Variants in TTLL11 observed in about 807,000 individuals in gnomAD.
TTLL11 encodes the protein tubulin polyglutamylase TTLL11.
Under a neutral mutation model 51.7 loss-of-function variants are expected in TTLL11, and 42 were observed. That is an observed-to-expected ratio of 0.81 (90% confidence interval 0.64 to 1.05). TTLL11 has a LOEUF of 1.05. Ranked by LOEUF, TTLL11 falls within the 50% of genes least tolerant of loss-of-function variation. The pLI is 0.00. For synonymous variants in TTLL11, 381 were observed against 383.5 expected (o/e 0.99, Z 0.08); for missense variants, 799 against 940.4 (o/e 0.85, Z 1.97).
At chr9:121,986,527 T>C (rs919853761) in intron 4 of TTLL11, among the ~76,000 whole-genome samples, 1 of 152,194 alleles carries the variant, frequency 6.6e-6, no homozygotes, top group Admixed American at 6.5e-5. Flanking sequence ...TTCTCCTTTC[T>C]AATGTTTTAA....
intron 3 of TTLL11, among the ~76,000 whole-genome samples, chr9:121,999,084 A>T (rs1243764062): frequency 1.3e-5 from 2 of 152,218 alleles, no homozygotes; most frequent in African/African-American, 4.8e-5. Flanking sequence ...CTTGCCCACT[A>T]CATCCCCAGC....
At chr9:121,936,691 A>C (rs999146462) in intron 6 of TTLL11, among the ~76,000 whole-genome samples, 1 of 152,216 alleles carries the variant, frequency 6.6e-6, no homozygotes, top group African/African-American at 2.4e-5. Context: ...AAGCTTAACG[A>C]AAAAAGCTAA....
chr9:121,896,744 C>G (rs73664707), intron 6 of TTLL11, among the ~76,000 whole-genome samples: 1 of 152,152 alleles, frequency 6.6e-6, no homozygotes, highest in Non-Finnish European at 1.5e-5. Flanking sequence ...CTCCTTCACC[C>G]GCCGCAAGAG....
At chr9:122,041,326 G>A (rs1319534529) in intron 1 of TTLL11, among the ~76,000 whole-genome samples, 2 of 152,072 alleles carry the variant, frequency 1.3e-5, no homozygotes, top group African/African-American at 4.8e-5. Flanking sequence ...CATACTCAAT[G>A]GTAAAATACT....
At chr9:121,940,776 T>C (rs1279732850) in intron 6 of TTLL11, among the ~76,000 whole-genome samples, 5 of 152,236 alleles carry the variant, frequency 3.3e-5, no homozygotes, top group Admixed American at 6.5e-5. Flanking sequence ...GCAGGCTCCA[T>C]AGGACATTTG....
chr9:121,936,486 T>C lies in TTLL11; in HGVS notation c.1481+37523A>G, dbSNP rs185015300. Among the ~76,000 whole-genome samples, 324 of 152,216 alleles carry C rather than the reference T, an allele frequency of 2.1e-3. 4 individuals carry two copies. Among genetic ancestry groups the C allele is most frequent in the Non-Finnish European group, 2.1e-3 (140 of 68,012 alleles). On this transcript the variant is annotated intron_variant, in intron 6 of 8. Coordinates refer to ENST00000321582, the MANE Select transcript of TTLL11 (RefSeq NM_001139442.2). The stretch of plus-strand genomic sequence containing the variant: ...AGAAAGAGAAGAGACAAGACTTCAC[T>C]CCTTTTCTGCCCTCAAGGACCCAGA...
chr9:121,901,768 C>G (rs920759550), intron 6 of TTLL11, among the ~76,000 whole-genome samples: 3 of 152,164 alleles, frequency 2.0e-5, no homozygotes, highest in African/African-American at 7.2e-5. Flanking sequence ...TTTCTTGTCT[C>G]CATGTGGCCC....
At chr9:121,895,245 A>C (rs1037187829) in intron 6 of TTLL11, among the ~76,000 whole-genome samples, 1 of 152,070 alleles carries the variant, frequency 6.6e-6, no homozygotes, top group Non-Finnish European at 1.5e-5. Context: ...GTTCACAATG[A>C]ACCTCATTTG....
intron 6 of TTLL11, among the ~76,000 whole-genome samples, chr9:121,922,282 T>C (rs1412880919): frequency 6.6e-6 from 1 of 152,236 alleles, no homozygotes; most frequent in Non-Finnish European, 1.5e-5. Context: ...ATAAGTATGT[T>C]GTTGTCCCAT....
chr9:121,837,169 C>T (rs376277073), intron 8 of TTLL11, among the ~76,000 whole-genome samples: 28 of 151,734 alleles, frequency 1.8e-4, no homozygotes, highest in African/African-American at 6.5e-4. Context: ...AATCCTTCCC[C>T]TACTAATGGA....
At chr9:121,830,966 C>G (rs1836985545) in intron 8 of TTLL11, among the ~76,000 whole-genome samples, 1 of 152,148 alleles carries the variant, frequency 6.6e-6, no homozygotes, top group Non-Finnish European at 1.5e-5. Flanking sequence ...TGCACCAGTC[C>G]AAGTGAGAGC....
intron 6 of TTLL11, among the ~76,000 whole-genome samples, chr9:121,887,472 T>A (rs1304253352): frequency 6.6e-6 from 1 of 152,188 alleles, no homozygotes; most frequent in African/African-American, 2.4e-5. Flanking sequence ...CCCACGTTAA[T>A]CGACTTGGGT....
rs1438282974 is a variant in TTLL11 at position 121,870,754 on chromosome 9, G to A, written c.1482-6C>T. Reference sequence around the variant, plus strand: ...GTTTTTCAAGCTGCTGAGACCTGAAGCACACAAAGAATTAATGATATAACA... The same window carrying A: ...GTTTTTCAAGCTGCTGAGACCTGAAACACACAAAGAATTAATGATATAACA... On this transcript the variant is annotated splice_polypyrimidine_tract_variant and splice_region_variant and intron_variant, in intron 6 of 8. Coordinates refer to ENST00000321582, the MANE Select transcript of TTLL11 (RefSeq NM_001139442.2). 9 of 1,535,176 alleles carry A rather than the reference G, an allele frequency of 5.9e-6. No homozygotes were observed. The South Asian group carries it at 9.8e-5, about 17-fold the overall frequency.
At chr9:122,065,910 A>C (rs1845570528) in intron 1 of TTLL11, among the ~76,000 whole-genome samples, 2 of 152,224 alleles carry the variant, frequency 1.3e-5, no homozygotes, top group South Asian at 4.1e-4. Flanking sequence ...TAAATCTTAA[A>C]AAGAGACACT....
intron 8 of TTLL11, among the ~76,000 whole-genome samples, chr9:121,845,433 T>C (rs1837490860): frequency 6.6e-6 from 1 of 151,596 alleles, no homozygotes; most frequent in Admixed American, 6.6e-5. Context: ...AACAGAAAAA[T>C]GATATGGGCC....
chr9:121,902,075 TTC>T lies in TTLL11; in HGVS notation c.1482-31329_1482-31328del, dbSNP rs547450618. Among the ~76,000 whole-genome samples the T allele has an allele frequency of 3.0e-3, 461 of 151,780 alleles. 4 individuals carry two copies. Among genetic ancestry groups the T allele is most frequent in the African/African-American group, 0.011 (443 of 41,038 alleles). ...CACACAAAAATTACTTTCATTGCTT[TTC>T]TCTCTTTATAAAAATAATATATATC... On this transcript the variant is annotated intron_variant, in intron 6 of 8. Transcript: ENST00000321582.
At chr9:121,956,845 G>A (rs565350589) in intron 6 of TTLL11, among the ~76,000 whole-genome samples, 44 of 152,346 alleles carry the variant, frequency 2.9e-4, no homozygotes, top group South Asian at 4.1e-4. Flanking sequence ...GCCCACTAAC[G>A]TTTGGGAAGC....
intron 6 of TTLL11, among the ~76,000 whole-genome samples, chr9:121,962,343 C>A (rs1477990146): frequency 6.6e-6 from 1 of 152,170 alleles, no homozygotes. Flanking sequence ...CCCTTTGGAA[C>A]TATGATGGGT....
chr9:121,988,990 G>A lies in TTLL11; in HGVS notation c.1269+205C>T, dbSNP rs1393645093. ...TCATTTCATTTTACAGGTAACAGAG[G>A]GGAAGTAGCTTGCCCCAAATCACAC... is the stretch of plus-strand genomic sequence containing the variant. On this transcript the variant is annotated intron_variant, in intron 4 of 8. Coordinates refer to ENST00000321582, the MANE Select transcript of TTLL11 (RefSeq NM_001139442.2). 2.7e-5 allele frequency: 33 copies of A among 1,245,206 alleles called. No individual in the cohort carries two copies. In the East Asian group the frequency reaches 8.0e-4, roughly 30 times the overall value. 77.1% of individuals were successfully genotyped at this position (1,245,206 alleles called of 1,614,324 possible). A position where few individuals can be genotyped will look rare whatever the true frequency, so the allele number is the denominator to read the frequency against.
Sources: gnomAD v4.1 joint callset for allele counts (sites outside exome capture counted in the v4.1 genomes callset) on GRCh38, gnomAD v4.1.1 for gene constraint, MANE v1.5 for transcripts, NCBI Gene and HGNC (gene_info 2026-07-23, HGNC 2026-07-21) for gene names.